CATSPERE: variants seen among roughly 807,000 people sequenced by gnomAD.
CATSPERE encodes the protein catsper channel auxiliary subunit epsilon, also known as cation channel sperm-associated auxiliary subunit epsilon.
A neutral mutation model predicts 114.1 loss-of-function variants in CATSPERE; 93 were observed. That is an observed-to-expected ratio of 0.81 (90% CI 0.69 to 0.97). The LOEUF is 0.97. Ranked by LOEUF, CATSPERE falls within the 50% of genes least tolerant of loss-of-function variation. The pLI is 0.00. For missense variants in CATSPERE, 1,058 were observed against 1,131.6 expected, an observed-to-expected ratio of 0.93 and a Z score of 0.93; for synonymous variants, 341 against 384.1, an observed-to-expected ratio of 0.89 and a Z score of 1.31.
chr1:244,614,416 A>G (rs10803228), intron 19 of CATSPERE, among the ~76,000 whole-genome samples: 88,768 of 152,062 alleles, frequency 0.58, 26,851 homozygotes, highest in Middle Eastern at 0.73. Context: ...AATCTATGAC[A>G]AGCCTGTTTT....
chr1:244,571,459 A>G (rs145521840), intron 10 of CATSPERE, among the ~76,000 whole-genome samples: 83 of 152,334 alleles, frequency 5.4e-4, no homozygotes, highest in African/African-American at 2.0e-3. Flanking sequence ...CAGACATAGC[A>G]ACAGAACTAA....
At chr1:244,514,264 G>A (rs1156800125) in intron 7 of CATSPERE, among the ~76,000 whole-genome samples, 3 of 152,122 alleles carry the variant, frequency 2.0e-5, no homozygotes, top group Non-Finnish European at 4.4e-5. Context: ...CCAACAACTT[G>A]GATGGATGCT....
At chr1:244,509,380 T>C (rs1675341631) in intron 7 of CATSPERE, among the ~76,000 whole-genome samples, 2 of 152,230 alleles carry the variant, frequency 1.3e-5, no homozygotes, top group African/African-American at 4.8e-5. Context: ...ATATCATATT[T>C]ATTGATTTGC....
intron 2 of CATSPERE, among the ~76,000 whole-genome samples, chr1:244,469,996 T>A (rs1408041068): frequency 1.3e-5 from 2 of 151,878 alleles, no homozygotes; most frequent in Non-Finnish European, 2.9e-5. Context: ...GATACCTACA[T>A]GAAAAAAATG....
At chr1:244,589,883 C>T (rs762984495) in intron 14 of CATSPERE, among the ~76,000 whole-genome samples, 16 of 152,138 alleles carry the variant, frequency 1.1e-4, no homozygotes, top group Non-Finnish European at 1.9e-4. Context: ...TACTCTGGGC[C>T]TCTTAGTCAA....
chr1:244,493,291 T>C (rs935536052), intron 6 of CATSPERE, among the ~76,000 whole-genome samples: 8 of 152,252 alleles, frequency 5.3e-5, no homozygotes, highest in South Asian at 4.1e-4. Context: ...TCAGAAATAC[T>C]GCCACATATC....
intron 17 of CATSPERE, among the ~76,000 whole-genome samples, chr1:244,596,630 G>C (rs543957275): frequency 1.3e-5 from 2 of 152,160 alleles, no homozygotes; most frequent in Non-Finnish European, 2.9e-5. Flanking sequence ...CAAGGGGAGG[G>C]AGAGGATTAG....
chr1:244,625,841 G>A (rs900961281), intron 20 of CATSPERE, among the ~76,000 whole-genome samples: 10 of 150,244 alleles, frequency 6.7e-5, no homozygotes, highest in Non-Finnish European at 1.3e-4. Context: ...CTTTTGCCTC[G>A]GCCTCCCAAA....
At position 244,573,540 on chromosome 1, in the gene CATSPERE, T is replaced by G. The variant is rs1212331323; in HGVS notation, c.1950+768T>G. Among the ~76,000 whole-genome samples the G allele has an allele frequency of 6.6e-6, 1 of 152,224 alleles. No homozygotes were observed. Among genetic ancestry groups the G allele is most frequent in the East Asian group, 1.9e-4 (1 of 5,200 alleles). On this transcript the variant is annotated intron_variant, in intron 11 of 21. Transcript: ENST00000366534. This position sits in a 1 kb window ranked among gnomAD's most constrained non-coding sequence, Gnocchi z 4.0. ...TCGTGGATGTGATGTGGGCATCTGC[T>G]AATTCGTCTGCAACTACATGACCTA...
chr1:244,601,969 G>A (rs1467144280), intron 17 of CATSPERE, among the ~76,000 whole-genome samples: 1 of 151,726 alleles, frequency 6.6e-6, no homozygotes, highest in Non-Finnish European at 1.5e-5. Context: ...GAGAGAGAAG[G>A]AGGAGAAGGG....
chr1:244,461,439 C>A lies in CATSPERE; in HGVS notation c.10C>A (p.Arg4=), dbSNP rs1006694207. The A allele has an allele frequency of 5.1e-6, 7 of 1,385,086 alleles. No homozygotes were observed. In the African/African-American group the frequency reaches 7.4e-5, roughly 15 times the overall value. 85.8% of individuals were successfully genotyped at this position (1,385,086 alleles called of 1,614,324 possible). A position where few individuals can be genotyped will look rare whatever the true frequency, so the allele number is the denominator to read the frequency against. The change falls in exon 1 of 22, where the codon CGG becomes AGG. Residue 4 remains arginine (R), a synonymous_variant. Coordinates refer to ENST00000366534, the MANE Select transcript of CATSPERE (RefSeq NM_001130957.2). ...AGGCGGAGCAGGCGCCATGTCAGCC[C>A]GGGAAGTGGCCGTGCTGCTGCTGTG... MSA[R]EVAVLLLWLS... is the part of the protein sequence containing the mutation.
intron 10 of CATSPERE, among the ~76,000 whole-genome samples, chr1:244,570,280 C>T (rs889067266): frequency 6.6e-6 from 1 of 151,986 alleles, no homozygotes; most frequent in Non-Finnish European, 1.5e-5. Context: ...TAATTATCTT[C>T]CTCATTTATA....
At chr1:244,463,054 A>G (rs1403961699) in intron 1 of CATSPERE, among the ~76,000 whole-genome samples, 1 of 152,176 alleles carries the variant, frequency 6.6e-6, no homozygotes, top group Non-Finnish European at 1.5e-5. Flanking sequence ...TGTAAGTGTA[A>G]TGTACACACC....
intron 8 of CATSPERE, among the ~76,000 whole-genome samples, chr1:244,532,635 C>A (rs905489249): frequency 6.6e-6 from 1 of 152,022 alleles, no homozygotes; most frequent in Non-Finnish European, 1.5e-5. Context: ...CATTCAGGAG[C>A]GTATTGTTTA....
chr1:244,557,263 T>G (rs940611539), intron 9 of CATSPERE, among the ~76,000 whole-genome samples: 3 of 151,886 alleles, frequency 2.0e-5, no homozygotes, highest in East Asian at 3.9e-4. Context: ...AAAAATGCCC[T>G]TGGAATTTTG....
intron 2 of CATSPERE, among the ~76,000 whole-genome samples, chr1:244,471,852 T>C (rs985505904): frequency 2.6e-5 from 4 of 152,238 alleles, no homozygotes; most frequent in African/African-American, 9.6e-5. Context: ...CATGTACATA[T>C]GTGGGGACAT....
intron 8 of CATSPERE, among the ~76,000 whole-genome samples, chr1:244,539,052 G>C (rs1293588587): frequency 6.6e-6 from 1 of 152,144 alleles, no homozygotes; most frequent in Non-Finnish European, 1.5e-5. Flanking sequence ...ACCTTCCCCA[G>C]GCCAGAAGGC....
At chr1:244,466,396 A>G (rs2148086523) in intron 2 of CATSPERE, among the ~76,000 whole-genome samples, 1 of 152,280 alleles carries the variant, frequency 6.6e-6, no homozygotes, top group South Asian at 2.1e-4. Context: ...ACTAAGTAGC[A>G]GTGACAATCC....
At chr1:244,478,059 C>T in intron 4 of CATSPERE, 84 bp downstream of exon 4, 1 of 1,034,522 alleles carries the variant, frequency 9.7e-7, no homozygotes, top group Non-Finnish European at 1.5e-6. Flanking sequence ...TTCTTTTGAG[C>T]TTTTCAATCT....
Sources: gnomAD v4.1 joint callset for allele counts (sites outside exome capture counted in the v4.1 genomes callset) on GRCh38, gnomAD v4.1.1 for gene constraint, Gnocchi (gnomAD v3.1) non-coding constraint, MANE v1.5 for transcripts, NCBI Gene and HGNC (gene_info 2026-07-23, HGNC 2026-07-21) for gene names.